ZNF726: variants seen among roughly 807,000 people sequenced by gnomAD.
ZNF726 encodes zinc finger protein 92 pseudogene 3.
Under a neutral mutation model 11.6 loss-of-function variants are expected in ZNF726, and 15 were observed. That is an observed-to-expected ratio of 1.29 (90% CI 0.86 to 1.99). The LOEUF is 1.99. ZNF726 is among the 30% of genes most tolerant of loss of function. The pLI, the probability that ZNF726 is intolerant of heterozygous loss-of-function variation, is 0.00. For synonymous variants in ZNF726, 295 were observed against 243.6 expected (o/e 1.21, Z -1.96); for missense variants, 890 against 725.6 (o/e 1.23, Z -2.60).
Position 23,914,892 on chromosome 19 carries a change from A to T in ZNF726, c.-103A>T. The T allele has an allele frequency of 1.3e-6, 2 of 1,544,196 alleles. No individual in the cohort carries two copies. Among genetic ancestry groups the T allele is most frequent in the Middle Eastern group, 1.7e-4 (1 of 5,892 alleles). ...GGGATTTGGCGGGGCCTTTGTCTCT[A>T]TCTGCGGCCGGAGCTCCAGGTCTCG... On this transcript the variant is annotated 5_prime_UTR_variant, in exon 1 of 4. Coordinates refer to ENST00000594466, the MANE Select transcript of ZNF726 (RefSeq NM_001244038.2).
At position 23,932,559 on chromosome 19, in the gene ZNF726, G is replaced by A; in HGVS notation, c.443G>A (p.Gly148Asp). 1 of 1,584,648 alleles carries A rather than the reference G, an allele frequency of 6.3e-7. No individual in the cohort carries two copies. Among genetic ancestry groups the A allele is most frequent in the Non-Finnish European group, 8.6e-7 (1 of 1,168,504 alleles). The change falls in exon 4 of 4, where the codon GGT becomes GAT. Residue 148 changes from glycine (G) to aspartate (D), a missense_variant. Coordinates refer to ENST00000594466, the MANE Select transcript of ZNF726 (RefSeq NM_001244038.2). The stretch of plus-strand genomic sequence containing the variant: ...ACCCAGGGCAAAGCTTCTCAATGTG[G>A]TAAATATTTGAAAGTCTTTTATAAA... ...TTTQGKASQC[G>D]KYLKVFYKFI...
At chr19:23,935,514 TAA>T (rs2043660921), downstream of ZNF726, 1 of 410,218 alleles carries the variant, frequency 2.4e-6, no homozygotes, top group African/African-American at 2.1e-5. Context: ...TTAACAGATA[TAA>T]GATTATTCAT....
At chr19:23,938,223 G>A (rs994009298), downstream of ZNF726, among the ~76,000 whole-genome samples, 1 of 151,914 alleles carries the variant, frequency 6.6e-6, no homozygotes, top group African/African-American at 2.4e-5. Flanking sequence ...CTTAATTTTT[G>A]TGGATATGTA....
Position 23,933,725 on chromosome 19 carries a change from T to C in ZNF726, c.1609T>C (p.Tyr537His). The C allele has an allele frequency of 6.2e-7, 1 of 1,612,446 alleles. No homozygotes were observed. Among genetic ancestry groups the C allele is most frequent in the Non-Finnish European group, 8.5e-7 (1 of 1,179,970 alleles). The change falls in exon 4 of 4, where the codon TAC becomes CAC. Residue 537 changes from tyrosine to histidine, a missense_variant. Coordinates refer to ENST00000594466, the MANE Select transcript of ZNF726 (RefSeq NM_001244038.2). ...HKRIHTGEKPYKCEECGKTFN... is the reference protein window; with the variant it reads ...HKRIHTGEKPHKCEECGKTFN... Reference sequence around the variant, plus strand: ...GAGGATTCACACTGGAGAGAAACCCTACAAATGTGAAGAATGTGGCAAAAC... The same window carrying C: ...GAGGATTCACACTGGAGAGAAACCCCACAAATGTGAAGAATGTGGCAAAAC...
intron 3 of ZNF726, among the ~76,000 whole-genome samples, chr19:23,941,372 T>G (rs1177882053): frequency 6.6e-6 from 1 of 152,210 alleles, no homozygotes; most frequent in Admixed American, 6.5e-5. Context: ...GTTGTTGGAT[T>G]TGGTTAGCTA....
chr19:23,917,493 GAAA>G (rs11297783), intron 1 of ZNF726, among the ~76,000 whole-genome samples: 108 of 140,006 alleles, frequency 7.7e-4, no homozygotes, highest in Admixed American at 3.0e-3. Flanking sequence ...AAGAAAAAAA[GAAA>G]AAAAAAAAAA....
chr19:23,923,162 A>G (rs898953359), intron 3 of ZNF726, among the ~76,000 whole-genome samples: 3 of 152,110 alleles, frequency 2.0e-5, no homozygotes, highest in African/African-American at 4.8e-5. Context: ...TATTTGTTTC[A>G]CATATGAGGC....
In ZNF726 at chr19:23,932,815, A is replaced by G; in HGVS notation, c.699A>G (p.Glu233=). ...HTEEKPYKCE[E]YGKAFNQSSN... ...AAGAAAAGCCCTACAAATGTGAAGAATATGGCAAAGCTTTTAATCAATCCT... is the reference window on the plus strand; with the variant it reads ...AAGAAAAGCCCTACAAATGTGAAGAGTATGGCAAAGCTTTTAATCAATCCT... Residue 233 remains glutamate, a synonymous_variant, in exon 4 of 4, where the codon GAA becomes GAG. Transcript: ENST00000594466. 1 of 1,609,606 alleles carries G rather than the reference A, an allele frequency of 6.2e-7. No individual in the cohort carries two copies. Among genetic ancestry groups the G allele is most frequent in the Non-Finnish European group, 8.5e-7 (1 of 1,178,034 alleles).
intron 3 of ZNF726, chr19:23,923,791 A>C (rs912470371): frequency 6.5e-6 from 1 of 153,162 alleles, no homozygotes; most frequent in Non-Finnish European, 1.5e-5. Context: ...AGTTGTAATG[A>C]GTAAACATTT....
At chr19:23,929,515 A>G (rs940282924) in intron 3 of ZNF726, among the ~76,000 whole-genome samples, 1 of 152,170 alleles carries the variant, frequency 6.6e-6, no homozygotes, top group Non-Finnish European at 1.5e-5. Flanking sequence ...CTTATTCACT[A>G]TCATGAGACC....
chr19:23,926,368 C>A (rs1049649847), intron 3 of ZNF726, among the ~76,000 whole-genome samples: 1 of 151,988 alleles, frequency 6.6e-6, no homozygotes, highest in Non-Finnish European at 1.5e-5. Flanking sequence ...GCCTGGCCAA[C>A]GTGGTGAAAC....
At chr19:23,934,728 C>T (rs1968198674), downstream of ZNF726, among the ~76,000 whole-genome samples, 1 of 152,172 alleles carries the variant, frequency 6.6e-6, no homozygotes, top group South Asian at 2.1e-4. Context: ...ATTTCTTGAT[C>T]TCTCTGAGCT....
chr19:23,937,384 C>G (rs1365386865), downstream of ZNF726, among the ~76,000 whole-genome samples: 1 of 151,792 alleles, frequency 6.6e-6, no homozygotes, highest in East Asian at 2.0e-4. Flanking sequence ...CCTCACTTCT[C>G]AGACGGGGTG....
rs989942968 is a variant in ZNF726, at chr19:23,927,301, G to C, written c.227-5042G>C. ...ATATTAAATATGTCTACCACTGTAG[G>C]TTGTATTGACATTTTGAAAAATTAA... On this transcript the variant is annotated intron_variant, in intron 3 of 3. Coordinates refer to ENST00000594466, the MANE Select transcript of ZNF726 (RefSeq NM_001244038.2). 9.2e-5 allele frequency among the ~76,000 whole-genome samples: 14 copies of C among 152,220 alleles called. No individual in the cohort carries two copies. The South Asian group carries it at 2.9e-3, about 32-fold the overall frequency.
At chr19:23,936,794 G>A (rs1408721103), downstream of ZNF726, among the ~76,000 whole-genome samples, 2 of 151,402 alleles carry the variant, frequency 1.3e-5, no homozygotes, top group Non-Finnish European at 2.9e-5. Flanking sequence ...AGATCAACAG[G>A]ATCCCAAGGC....
intron 1 of ZNF726, 72 bp downstream of exon 1, chr19:23,915,069 C>A: frequency 1.2e-6 from 2 of 1,608,734 alleles, no homozygotes; most frequent in Non-Finnish European, 1.7e-6. Flanking sequence ...GCGGCAGTGG[C>A]GGGACTCAGG....
At chr19:23,937,709 C>T (rs1016856603), downstream of ZNF726, among the ~76,000 whole-genome samples, 2 of 152,046 alleles carry the variant, frequency 1.3e-5, no homozygotes, top group Non-Finnish European at 2.9e-5. Context: ...GATGGGCGGC[C>T]AGGTAGAGAC....
At chr19:23,915,488 A>G (rs923441833) in intron 1 of ZNF726, among the ~76,000 whole-genome samples, 5 of 152,224 alleles carry the variant, frequency 3.3e-5, no homozygotes, top group Non-Finnish European at 7.3e-5. Flanking sequence ...CCATGGAAGG[A>G]AAGGTTTTTA....
chr19:23,939,862 AT>A lies in ZNF726; in HGVS notation c.227-3612del, dbSNP rs374902806. 7.3e-3 allele frequency among the ~76,000 whole-genome samples: 633 copies of A among 87,130 alleles called. 5 individuals are homozygous for A. Among genetic ancestry groups the A allele is most frequent in the African/African-American group, 0.013 (282 of 21,788 alleles). The allele number at this position is 87,130 out of a possible 152,430, so 57.2% of individuals were successfully genotyped here. A position where few individuals can be genotyped will look rare whatever the true frequency, so the allele number is the denominator to read the frequency against. On this transcript the variant is annotated intron_variant, in intron 3 of 4. Coordinates refer to the ZNF726 transcript ENST00000334589. ...TGTCTTTGGCCCACTTTTTGATGGG[AT>A]TTTTTTTTTTTTTTTTTTTCTGACT...
Sources: gnomAD v4.1 joint callset for allele counts (sites outside exome capture counted in the v4.1 genomes callset) on GRCh38, gnomAD v4.1.1 for gene constraint, MANE v1.5 for transcripts, NCBI Gene and HGNC (gene_info 2026-07-23, HGNC 2026-07-21) for gene names.